NKAIN2: variants seen among roughly 807,000 people sequenced by gnomAD.
NKAIN2 encodes sodium/potassium transporting ATPase interacting 2.
NKAIN2 carries 14 observed loss-of-function variants against 32.6 expected under a neutral mutation model. The ratio of observed to expected loss-of-function variants is 0.43; its 90% CI spans 0.28 to 0.67. The LOEUF (loss-of-function observed/expected upper bound fraction) is 0.67. Among genes scored for constraint, NKAIN2 ranks in the 30% least tolerant of loss-of-function variants. NKAIN2 has a pLI of 0.17. For missense variants in NKAIN2, 198 were observed against 258.3 expected, an observed-to-expected ratio of 0.77 and a Z score of 1.60; for synonymous variants, 80 against 87.2, an observed-to-expected ratio of 0.92 and a Z score of 0.46.
intron 1 of NKAIN2, among the ~76,000 whole-genome samples, chr6:123,950,123 A>G (rs1195274615): frequency 6.6e-6 from 1 of 152,088 alleles, no homozygotes; most frequent in East Asian, 1.9e-4. Flanking sequence ...CCATCCTTGC[A>G]TCACTGGGAT....
intron 1 of NKAIN2, among the ~76,000 whole-genome samples, chr6:124,118,875 A>G (rs1181039081): frequency 1.3e-5 from 2 of 152,148 alleles, no homozygotes; most frequent in African/African-American, 2.4e-5. Flanking sequence ...GTAGCATGAA[A>G]GAAACCATAG....
chr6:124,389,054 T>C (rs1773033099), intron 3 of NKAIN2, among the ~76,000 whole-genome samples: 1 of 152,126 alleles, frequency 6.6e-6, no homozygotes, highest in African/African-American at 2.4e-5. Flanking sequence ...ATAAGGTGTC[T>C]GTAAACAGAA....
At position 124,173,558 on chromosome 6, in the gene NKAIN2, A is replaced by C. The variant is rs920031277; in HGVS notation, c.55-109447A>C. ...CATAATATTAATAGGCCCTTTGAAG[A>C]AACTGTAGAGTGAAAAAGGGATGGT... On this transcript the variant is annotated intron_variant, in intron 1 of 6. Transcript: ENST00000368417. 2.6e-5 allele frequency among the ~76,000 whole-genome samples: 4 copies of C among 152,128 alleles called. No homozygotes were observed. The South Asian group carries it at 6.2e-4, about 24-fold the overall frequency.
At chr6:124,055,484 A>G (rs1022425745) in intron 1 of NKAIN2, among the ~76,000 whole-genome samples, 2 of 152,048 alleles carry the variant, frequency 1.3e-5, no homozygotes, top group African/African-American at 4.8e-5. Context: ...TTTTCTAATT[A>G]CACACTGCTT....
intron 1 of NKAIN2, among the ~76,000 whole-genome samples, chr6:123,826,268 C>T (rs1391364229): frequency 9.9e-5 from 15 of 152,132 alleles, no homozygotes; most frequent in Non-Finnish European, 1.9e-4. Flanking sequence ...TGAACAGTTT[C>T]CAAAACGCCA....
intron 1 of NKAIN2, among the ~76,000 whole-genome samples, chr6:124,269,940 G>A (rs1167234578): frequency 1.3e-5 from 2 of 152,098 alleles, no homozygotes; most frequent in Non-Finnish European, 2.9e-5. Flanking sequence ...CGAAAGAGAC[G>A]TCACCTAGAG....
At chr6:124,006,993 G>T (rs1780104636) in intron 1 of NKAIN2, among the ~76,000 whole-genome samples, 1 of 152,166 alleles carries the variant, frequency 6.6e-6, no homozygotes, top group Non-Finnish European at 1.5e-5. Context: ...TACATTCTGA[G>T]AAATGCATCC....
chr6:124,190,830 T>C (rs1426949463), intron 1 of NKAIN2, among the ~76,000 whole-genome samples: 1 of 152,216 alleles, frequency 6.6e-6, no homozygotes, highest in Non-Finnish European at 1.5e-5. Flanking sequence ...ATATGTGGTC[T>C]ATTTTTTGAA....
chr6:124,280,120 G>C (rs1305393153), intron 1 of NKAIN2, among the ~76,000 whole-genome samples: 13 of 152,042 alleles, frequency 8.6e-5, no homozygotes, highest in Admixed American at 6.6e-4. Context: ...ATTTTGCTAG[G>C]CCAAATACAT....
chr6:123,976,332 T>TATATATATATGTTCCC, intron 1 of NKAIN2, among the ~76,000 whole-genome samples: 1 of 34,462 alleles, frequency 2.9e-5, no homozygotes, highest in South Asian at 8.2e-4. Context: ...TATGTTCCCA[T>TATATATATATGTTCCC]ATATATATAT....
chr6:124,687,037 T>A (rs1773922936), intron 4 of NKAIN2, among the ~76,000 whole-genome samples: 1 of 151,962 alleles, frequency 6.6e-6, no homozygotes, highest in African/African-American at 2.4e-5. Flanking sequence ...GTTCTTCAGG[T>A]TTGAGGCTGG....
At position 123,919,735 on chromosome 6, in the gene NKAIN2, T is replaced by C. The variant is rs968982722; in HGVS notation, c.54+115481T>C. Among the ~76,000 whole-genome samples, 3 of 152,240 alleles carry C rather than the reference T, an allele frequency of 2.0e-5. No individual in the cohort carries two copies. The East Asian group carries it at 5.8e-4, about 29-fold the overall frequency. Reference sequence around the variant, plus strand: ...CCAGCATTTGAAATTCAAGATTTAATAATCTCTCACCTACCAAATCATCAA... The same window carrying C: ...CCAGCATTTGAAATTCAAGATTTAACAATCTCTCACCTACCAAATCATCAA... On this transcript the variant is annotated intron_variant, in intron 1 of 6. Coordinates refer to ENST00000368417, the MANE Select transcript of NKAIN2 (RefSeq NM_001040214.3).
intron 1 of NKAIN2, among the ~76,000 whole-genome samples, chr6:124,011,589 T>A (rs1780330024): frequency 6.6e-6 from 1 of 152,200 alleles, no homozygotes; most frequent in Non-Finnish European, 1.5e-5. Flanking sequence ...CCTCCCAAAC[T>A]TGGTTCATCT....
At chr6:123,817,745 G>A (rs1248934897) in intron 1 of NKAIN2, among the ~76,000 whole-genome samples, 1 of 152,122 alleles carries the variant, frequency 6.6e-6, no homozygotes, top group African/African-American at 2.4e-5. Flanking sequence ...TAAATGAGGA[G>A]AGCAGGCACA....
chr6:124,024,340 A>G (rs1562314577), intron 1 of NKAIN2, among the ~76,000 whole-genome samples: 1 of 152,164 alleles, frequency 6.6e-6, no homozygotes, highest in Non-Finnish European at 1.5e-5. Flanking sequence ...GCCTTTAGAA[A>G]AGGATTTGTA....
intron 4 of NKAIN2, among the ~76,000 whole-genome samples, chr6:124,726,399 C>A (rs1012615324): frequency 6.6e-6 from 1 of 152,116 alleles, no homozygotes; most frequent in Non-Finnish European, 1.5e-5. Flanking sequence ...GGTCCCTGAC[C>A]CATGACCCCT....
intron 1 of NKAIN2, among the ~76,000 whole-genome samples, chr6:123,936,694 A>G (rs1244028834): frequency 6.6e-6 from 1 of 152,156 alleles, no homozygotes. Context: ...TTTTGATGTT[A>G]GGGCTGATTA....
chr6:123,945,689 C>T (rs2114567710), intron 1 of NKAIN2, among the ~76,000 whole-genome samples: 1 of 152,208 alleles, frequency 6.6e-6, no homozygotes, highest in East Asian at 1.9e-4. Flanking sequence ...TTTTAGCAAG[C>T]AGAACTTCAT....
At chr6:123,956,199 AG>A (rs1777582750) in intron 1 of NKAIN2, among the ~76,000 whole-genome samples, 1 of 152,218 alleles carries the variant, frequency 6.6e-6, no homozygotes, top group Non-Finnish European at 1.5e-5. Context: ...GAAGGAAAAA[AG>A]GAAAACCGGT....
Sources: allele counts gnomAD v4.1 joint callset (sites outside exome capture counted in the v4.1 genomes callset), GRCh38; gene constraint gnomAD v4.1.1; transcripts MANE v1.5; gene names NCBI Gene and HGNC (gene_info 2026-07-23, HGNC 2026-07-21).